The following BCKDHB variants were observed in gnomAD, a reference collection of about 807,000 sequenced individuals.
BCKDHB encodes 2-oxoisovalerate dehydrogenase subunit beta, mitochondrial.
Under a neutral mutation model 48.5 loss-of-function variants are expected in BCKDHB, and 41 were observed. That is an observed-to-expected ratio of 0.85 (90% CI 0.66 to 1.10). The LOEUF is 1.10. Among genes scored for constraint, BCKDHB ranks in the 50% least tolerant of loss-of-function variants. The pLI is 0.00. For synonymous variants in BCKDHB, 201 were observed against 174.8 expected (o/e 1.15, Z -1.18); for missense variants, 496 against 494.2 (o/e 1.00, Z -0.03).
rs78001069 is a variant in BCKDHB at position 80,222,599 on chromosome 6, A to G, written c.951+19387A>G. On this transcript the variant is annotated intron_variant, in intron 8 of 9. Transcript: ENST00000320393. The stretch of plus-strand genomic sequence containing the variant: ...GAGCTGTTCCTGATCTTTTTTTCCC[A>G]TTGTCTTTTAAGTCTGCCTTGGAGT... 6.0e-3 allele frequency among the ~76,000 whole-genome samples: 911 copies of G among 151,322 alleles called. 11 individuals carry two copies. The highest frequency in any genetic ancestry group is 0.021 in the African/African-American group (873 of 41,234).
At chr6:80,163,909 CT>C (rs1355065193) in intron 3 of BCKDHB, among the ~76,000 whole-genome samples, 3 of 152,212 alleles carry the variant, frequency 2.0e-5, no homozygotes. Flanking sequence ...TTAGCTCTAT[CT>C]TTAGAGTATA....
At position 80,283,941 on chromosome 6, in the gene BCKDHB, C is replaced by T. The variant is rs75756303; in HGVS notation, c.1038+10720C>T. On this transcript the variant is annotated intron_variant, in intron 9 of 9. Coordinates refer to ENST00000320393, the MANE Select transcript of BCKDHB (RefSeq NM_183050.4). ...AACATTTTAGGCAAAAATGAAGACA[C>T]ATATTCAATTTGCCAAGAAATGTTA... 9.3e-3 allele frequency among the ~76,000 whole-genome samples: 1,412 copies of T among 152,200 alleles called. 27 individuals carry two copies. Among genetic ancestry groups the T allele is most frequent in the African/African-American group, 0.032 (1,343 of 41,550 alleles).
the BCKDHB span, among the ~76,000 whole-genome samples, chr6:80,404,507 A>T: frequency 2.0e-5 from 3 of 151,746 alleles, no homozygotes; most frequent in Non-Finnish European, 2.9e-5. Context: ...TCACCTTTTC[A>T]AAAAACAAAG....
At chr6:80,210,335 A>G (rs1451709704) in intron 8 of BCKDHB, among the ~76,000 whole-genome samples, 1 of 152,124 alleles carries the variant, frequency 6.6e-6, no homozygotes, top group Non-Finnish European at 1.5e-5. Flanking sequence ...GCCAGACTCA[A>G]GTAAGTACAT....
the BCKDHB span, among the ~76,000 whole-genome samples, chr6:80,385,859 GC>G: frequency 2.6e-5 from 4 of 152,176 alleles, no homozygotes; most frequent in Non-Finnish European, 2.9e-5. Flanking sequence ...AATGGTGGAA[GC>G]AACATAGAGT....
downstream of BCKDHB, among the ~76,000 whole-genome samples, chr6:80,349,257 A>G (rs1373474174): frequency 1.3e-5 from 2 of 152,206 alleles, no homozygotes; most frequent in Non-Finnish European, 2.9e-5. Flanking sequence ...CTTAACCACT[A>G]ATAGAACTAA....
At chr6:80,398,492 G>T in the BCKDHB span, among the ~76,000 whole-genome samples, 1 of 152,054 alleles carries the variant, frequency 6.6e-6, no homozygotes, top group Admixed American at 6.6e-5. Context: ...TGGATAAATT[G>T]CTGGACATAT....
At chr6:80,274,422 T>C (rs1723233948) in intron 9 of BCKDHB, among the ~76,000 whole-genome samples, 2 of 151,976 alleles carry the variant, frequency 1.3e-5, no homozygotes, top group South Asian at 4.1e-4. Context: ...ATAACATGAG[T>C]ACCTAGTATT....
the BCKDHB span, among the ~76,000 whole-genome samples, chr6:80,387,540 A>T: frequency 6.6e-6 from 1 of 152,236 alleles, no homozygotes; most frequent in South Asian, 2.1e-4. Flanking sequence ...GTGGATTATC[A>T]TAAGCTTAAC....
chr6:80,322,169 C>A (rs1768762374), intron 9 of BCKDHB, among the ~76,000 whole-genome samples: 1 of 151,758 alleles, frequency 6.6e-6, no homozygotes, highest in Admixed American at 6.6e-5. Context: ...TGGTACCATT[C>A]ATCAGGTCCA....
chr6:80,111,173 T>C (rs1364311128), intron 1 of BCKDHB, among the ~76,000 whole-genome samples: 1 of 152,210 alleles, frequency 6.6e-6, no homozygotes, highest in Non-Finnish European at 1.5e-5. Flanking sequence ...GGTCGTGGAC[T>C]GGGAGGAAAG....
At chr6:80,156,274 T>C (rs953316507) in intron 3 of BCKDHB, among the ~76,000 whole-genome samples, 1 of 151,806 alleles carries the variant, frequency 6.6e-6, no homozygotes, top group Non-Finnish European at 1.5e-5. Context: ...GTAAAATTAG[T>C]GTTGGTGTTT....
chr6:80,402,460 G>C, the BCKDHB span, among the ~76,000 whole-genome samples: 1 of 151,578 alleles, frequency 6.6e-6, no homozygotes, highest in African/African-American at 2.4e-5. Context: ...CAGGTTATTT[G>C]GTATGTTTGC....
chr6:80,246,311 C>T (rs1271604892), intron 8 of BCKDHB, among the ~76,000 whole-genome samples: 6 of 152,158 alleles, frequency 3.9e-5, no homozygotes, highest in African/African-American at 7.2e-5. Context: ...GTCCCCTGGT[C>T]GTCCCTCGCC....
At chr6:80,413,987 G>C in the BCKDHB span, among the ~76,000 whole-genome samples, 2 of 152,054 alleles carry the variant, frequency 1.3e-5, no homozygotes, top group African/African-American at 4.8e-5. Context: ...TTTAATAACA[G>C]CCATTCTGAC....
chr6:80,273,019 A>AT (rs1427833309), intron 8 of BCKDHB, 116 bp from the exon 9 acceptor site: 3 of 809,244 alleles, frequency 3.7e-6, no homozygotes, highest in African/African-American at 3.4e-5. Flanking sequence ...TGAATTACTG[A>AT]TTTTTACACT....
the BCKDHB span, among the ~76,000 whole-genome samples, chr6:80,413,543 A>G: frequency 6.6e-6 from 1 of 152,214 alleles, no homozygotes; most frequent in Non-Finnish European, 1.5e-5. Flanking sequence ...AAGTGAGAAT[A>G]TATGGTATTT....
At chr6:80,132,712 G>A (rs1770690219) in intron 3 of BCKDHB, among the ~76,000 whole-genome samples, 1 of 152,106 alleles carries the variant, frequency 6.6e-6, no homozygotes, top group African/African-American at 2.4e-5. Flanking sequence ...GGGCAGTGAA[G>A]TTACACTTTA....
intron 6 of BCKDHB, among the ~76,000 whole-genome samples, chr6:80,181,962 CTTTTT>C (rs1773433522): frequency 6.6e-6 from 1 of 152,090 alleles, no homozygotes; most frequent in Non-Finnish European, 1.5e-5. Flanking sequence ...CTACTGTTGA[CTTTTT>C]GTTTTATATA....
Sources: allele counts gnomAD v4.1 joint callset (sites outside exome capture counted in the v4.1 genomes callset), GRCh38; gene constraint gnomAD v4.1.1; transcripts MANE v1.5; gene names NCBI Gene and HGNC (gene_info 2026-07-23, HGNC 2026-07-21).